TBC1D1: variants seen among roughly 807,000 people sequenced by gnomAD.
TBC1D1 encodes the protein TBC1 (tre-2/USP6, BUB2, cdc16) domain family, member 1.
TBC1D1 carries 89 observed loss-of-function variants against 125.6 expected under a neutral mutation model. That is an observed-to-expected ratio of 0.71 (90% confidence interval 0.60 to 0.85). The LOEUF is 0.85. Ranked by LOEUF, TBC1D1 falls within the 40% of genes least tolerant of loss-of-function variation. The pLI, the probability that TBC1D1 is intolerant of heterozygous loss-of-function variation, is 0.00. For synonymous variants in TBC1D1, 565 were observed against 564.1 expected (o/e 1.00, Z -0.02); for missense variants, 1,377 against 1,469.2 (o/e 0.94, Z 1.03).
At chr4:38,081,812 C>T (rs114454863) in intron 12 of TBC1D1, among the ~76,000 whole-genome samples, 2,007 of 152,172 alleles carry the variant, frequency 0.013, 46 homozygotes, top group African/African-American at 0.045. Flanking sequence ...TTGCCCATTT[C>T]CTGGTAGTTA....
intron 11 of TBC1D1, among the ~76,000 whole-genome samples, chr4:38,051,144 C>T (rs1178299214): frequency 9.2e-5 from 14 of 152,198 alleles, no homozygotes; most frequent in Non-Finnish European, 1.6e-4. Flanking sequence ...TCTGCTGTTT[C>T]TCAAAAGCCA....
At chr4:37,957,649 A>G (rs1729189989) in intron 2 of TBC1D1, among the ~76,000 whole-genome samples, 1 of 152,194 alleles carries the variant, frequency 6.6e-6, no homozygotes, top group Non-Finnish European at 1.5e-5. Flanking sequence ...TAATATAGAA[A>G]GAGAAGAGAG....
At chr4:38,007,621 C>T (rs1056131399) in intron 2 of TBC1D1, among the ~76,000 whole-genome samples, 3 of 152,206 alleles carry the variant, frequency 2.0e-5, no homozygotes, top group Non-Finnish European at 2.9e-5. Flanking sequence ...CTATCCTCAA[C>T]CTCCTTAGTA....
At chr4:38,134,128 G>A (rs1766070215) in intron 19 of TBC1D1, among the ~76,000 whole-genome samples, 1 of 152,086 alleles carries the variant, frequency 6.6e-6, no homozygotes, top group African/African-American at 2.4e-5. Flanking sequence ...TATTTTTGCC[G>A]AAATTTTTAT....
intron 2 of TBC1D1, among the ~76,000 whole-genome samples, chr4:37,933,909 T>C (rs1307722045): frequency 6.6e-6 from 1 of 152,226 alleles, no homozygotes; most frequent in Non-Finnish European, 1.5e-5. Context: ...GTCAGTCTCA[T>C]TCCTAATCGA....
chr4:37,992,866 G>A (rs1369442739), intron 2 of TBC1D1, among the ~76,000 whole-genome samples: 5 of 148,484 alleles, frequency 3.4e-5, no homozygotes, highest in African/African-American at 7.5e-5. Flanking sequence ...GTGCAGTGGC[G>A]CGATCTCAGC....
intron 7 of TBC1D1, among the ~76,000 whole-genome samples, chr4:38,030,710 TA>T (rs1745960964): frequency 6.6e-6 from 1 of 152,216 alleles, no homozygotes; most frequent in African/African-American, 2.4e-5. Flanking sequence ...AATAGAATGG[TA>T]AATATTTTCC....
intron 12 of TBC1D1, among the ~76,000 whole-genome samples, chr4:38,078,862 G>GTTTA (rs561484078): frequency 1.9e-4 from 29 of 152,358 alleles, no homozygotes; most frequent in Admixed American, 1.5e-3. Context: ...ACGGGGTATA[G>GTTTA]TTTAATAGCT....
chr4:38,010,095 T>A (rs1741152164), intron 2 of TBC1D1, among the ~76,000 whole-genome samples: 2 of 152,250 alleles, frequency 1.3e-5, no homozygotes, highest in Non-Finnish European at 2.9e-5. Flanking sequence ...GTAAATATTG[T>A]AATTGGAAGT....
At chr4:37,999,522 C>T (rs781679874) in intron 2 of TBC1D1, among the ~76,000 whole-genome samples, 6 of 152,084 alleles carry the variant, frequency 3.9e-5, no homozygotes, top group African/African-American at 9.7e-5. Context: ...CTGCCCCCAG[C>T]GCGTGGTGTA....
Position 38,096,137 on chromosome 4 carries a change from G to T in TBC1D1, c.2398+47G>T, listed in dbSNP as rs201548390. ...CTAGTCAACCTCACCCCTCATTGGTGATTGGGGAGAAGTGTGGAATTAAAA... is the reference window on the plus strand; with the variant it reads ...CTAGTCAACCTCACCCCTCATTGGTTATTGGGGAGAAGTGTGGAATTAAAA... On this transcript the variant is annotated intron_variant, in intron 14 of 19. Coordinates refer to ENST00000261439, the MANE Select transcript of TBC1D1 (RefSeq NM_015173.4). 4.4e-4 allele frequency: 672 copies of T among 1,517,342 alleles called. 4 individuals are homozygous for T. The highest frequency in any genetic ancestry group is 2.6e-3 in the South Asian group (216 of 82,348). 94.0% of individuals were successfully genotyped at this position (1,517,342 alleles called of 1,614,324 possible).
intron 12 of TBC1D1, among the ~76,000 whole-genome samples, chr4:38,067,966 C>T (rs757548545): frequency 2.6e-4 from 39 of 152,194 alleles, no homozygotes; most frequent in African/African-American, 4.8e-4. Context: ...TGCCAATACG[C>T]GGATGTACCA....
intron 2 of TBC1D1, among the ~76,000 whole-genome samples, chr4:37,959,911 G>T (rs1729641486): frequency 6.6e-6 from 1 of 152,188 alleles, no homozygotes; most frequent in Admixed American, 6.5e-5. Context: ...ATCAGAGTTG[G>T]CAAAAGGGAT....
At position 37,989,032 on chromosome 4, in the gene TBC1D1, G is replaced by A. The variant is rs147264419; in HGVS notation, c.418-25477G>A. 6.1e-4 allele frequency among the ~76,000 whole-genome samples: 93 copies of A among 152,234 alleles called. 1 individual carries two copies. Among genetic ancestry groups the A allele is most frequent in the African/African-American group, 2.2e-3 (92 of 41,516 alleles). On this transcript the variant is annotated intron_variant, in intron 2 of 19. Coordinates refer to ENST00000261439, the MANE Select transcript of TBC1D1 (RefSeq NM_015173.4). The stretch of plus-strand genomic sequence containing the variant: ...TTTTACCACAAAATATATTTCTTTG[G>A]CATATTTTGAAATGGCCCTGGAAAG...
chr4:38,021,971 A>G (rs1178883978), intron 6 of TBC1D1, among the ~76,000 whole-genome samples: 1 of 152,166 alleles, frequency 6.6e-6, no homozygotes, highest in African/African-American at 2.4e-5. Context: ...AGGATGGAGG[A>G]GGAGTTAGGG....
At chr4:38,091,498 G>A (rs1376776027) in intron 13 of TBC1D1, among the ~76,000 whole-genome samples, 5 of 152,218 alleles carry the variant, frequency 3.3e-5, no homozygotes, top group African/African-American at 2.4e-5. Context: ...ATGACAGCTC[G>A]GGAGCACAGC....
intron 2 of TBC1D1, among the ~76,000 whole-genome samples, chr4:38,001,729 G>A (rs1380821280): frequency 1.3e-5 from 2 of 152,152 alleles, no homozygotes; most frequent in Non-Finnish European, 2.9e-5. Flanking sequence ...CTTGTGTCAA[G>A]ACCAAATAGT....
chr4:37,958,073 T>A (rs1269179646), intron 2 of TBC1D1, among the ~76,000 whole-genome samples: 1 of 152,256 alleles, frequency 6.6e-6, no homozygotes, highest in Non-Finnish European at 1.5e-5. Flanking sequence ...CTACAGTTAC[T>A]GGATTTGCTG....
chr4:38,060,609 C>T (rs1218356268), intron 12 of TBC1D1: 1 of 1,289,032 alleles, frequency 7.8e-7, no homozygotes, highest in Admixed American at 2.3e-5. Context: ...ACAGCCTTCT[C>T]TCTTTTTCAG....
Sources: gnomAD v4.1 joint callset for allele counts (sites outside exome capture counted in the v4.1 genomes callset) on GRCh38, gnomAD v4.1.1 for gene constraint, MANE v1.5 for transcripts, NCBI Gene and HGNC (gene_info 2026-07-23, HGNC 2026-07-21) for gene names.